The following SLC39A11 variants were observed in gnomAD, a reference collection of about 807,000 sequenced individuals.
SLC39A11 encodes solute carrier family 39 member 11.
SLC39A11 carries 33 observed loss-of-function variants against 36.1 expected under a neutral mutation model. That is an observed-to-expected ratio of 0.91 (90% CI 0.69 to 1.22). The LOEUF is 1.22. SLC39A11 is among the 50% of genes most tolerant of loss of function. The pLI, the probability that SLC39A11 is intolerant of heterozygous loss-of-function variation, is 0.00. For synonymous variants in SLC39A11, 166 were observed against 170.3 expected, an observed-to-expected ratio of 0.97 and a Z score of 0.20; for missense variants, 432 against 430.3, an observed-to-expected ratio of 1.00 and a Z score of -0.03.
chr17:73,034,092 T>C (rs572910134), intron 3 of SLC39A11, among the ~76,000 whole-genome samples: 8 of 152,332 alleles, frequency 5.3e-5, no homozygotes, highest in Admixed American at 4.6e-4. Context: ...CCCTCCCTGC[T>C]ACAGCCTAAT....
intron 4 of SLC39A11, among the ~76,000 whole-genome samples, chr17:72,961,557 C>T (rs543015777): frequency 1.3e-5 from 2 of 152,210 alleles, no homozygotes; most frequent in Non-Finnish European, 2.9e-5. Flanking sequence ...ACTATGCAGC[C>T]ATAAAAAAGG....
chr17:72,974,161 C>T (rs1363085591), intron 4 of SLC39A11, among the ~76,000 whole-genome samples: 8 of 152,090 alleles, frequency 5.3e-5, no homozygotes, highest in Admixed American at 1.3e-4. Context: ...AGTGCAGTGG[C>T]GCGATCTGGC....
chr17:72,771,607 G>C (rs1033251649), intron 6 of SLC39A11, among the ~76,000 whole-genome samples: 1 of 152,076 alleles, frequency 6.6e-6, no homozygotes, highest in African/African-American at 2.4e-5. Flanking sequence ...TTACACAGCA[G>C]GGACAAGACA....
chr17:72,656,948 C>A (rs548157853), intron 7 of SLC39A11, among the ~76,000 whole-genome samples: 97 of 151,190 alleles, frequency 6.4e-4, no homozygotes, highest in African/African-American at 2.3e-3. Flanking sequence ...GTTTGACCAG[C>A]CTGGGCAACA....
At chr17:73,029,893 T>C (rs894907711) in intron 4 of SLC39A11, among the ~76,000 whole-genome samples, 2 of 152,164 alleles carry the variant, frequency 1.3e-5, no homozygotes, top group Non-Finnish European at 2.9e-5. Context: ...TGTCACTCAA[T>C]CTTTTAACAA....
intron 6 of SLC39A11, among the ~76,000 whole-genome samples, chr17:72,849,295 T>G (rs892115282): frequency 3.9e-5 from 6 of 152,166 alleles, no homozygotes; most frequent in Non-Finnish European, 8.8e-5. Context: ...CAAATAGCAT[T>G]AAGCAGAACC....
At chr17:72,894,710 G>A (rs1211946795) in intron 5 of SLC39A11, among the ~76,000 whole-genome samples, 1 of 151,684 alleles carries the variant, frequency 6.6e-6, no homozygotes, top group African/African-American at 2.4e-5. Flanking sequence ...CCTAGAAGGA[G>A]CCAGTACCTC....
chr17:72,981,690 A>AAGTC (rs1253193565), intron 4 of SLC39A11, among the ~76,000 whole-genome samples: 1 of 152,134 alleles, frequency 6.6e-6, no homozygotes. Context: ...GAATCAAAAA[A>AAGTC]GACTAAGTTC....
chr17:72,874,208 G>A (rs914713385), intron 5 of SLC39A11, among the ~76,000 whole-genome samples: 2 of 152,168 alleles, frequency 1.3e-5, no homozygotes, highest in African/African-American at 4.8e-5. Flanking sequence ...AGTATAATAG[G>A]AGACAAGGTA....
At chr17:72,704,124 T>G (rs1044931875) in intron 7 of SLC39A11, among the ~76,000 whole-genome samples, 1 of 152,068 alleles carries the variant, frequency 6.6e-6, no homozygotes, top group Non-Finnish European at 1.5e-5. Flanking sequence ...TGAGACTCTT[T>G]CCAAAACAAC....
chr17:72,897,052 C>CA (rs10656675), intron 5 of SLC39A11, among the ~76,000 whole-genome samples: 1,099 of 64,040 alleles, frequency 0.017, 45 homozygotes, highest in Middle Eastern at 0.057. Flanking sequence ...GACTCTGTCT[C>CA]AAAAAAAAAA....
intron 5 of SLC39A11, among the ~76,000 whole-genome samples, chr17:72,883,587 T>C (rs1043208890): frequency 1.1e-4 from 16 of 152,274 alleles, no homozygotes; most frequent in Admixed American, 6.5e-4. Context: ...GGATTGTGTC[T>C]GATTCAGGGT....
chr17:72,926,792 TC>T (rs771702480), intron 5 of SLC39A11, among the ~76,000 whole-genome samples: 21 of 152,208 alleles, frequency 1.4e-4, no homozygotes, highest in Non-Finnish European at 2.8e-4. Context: ...CCCGAGCACC[TC>T]AGAATGGAGC....
At chr17:72,949,135 A>G (rs1222822272) in intron 4 of SLC39A11, among the ~76,000 whole-genome samples, 1 of 84,220 alleles carries the variant, frequency 1.2e-5, no homozygotes, top group Non-Finnish European at 2.6e-5. Flanking sequence ...AATACCATAC[A>G]CTGGGCAGCT....
At position 73,085,339 on chromosome 17, in the gene SLC39A11, T is replaced by C. The variant is rs146776201; in HGVS notation, c.109-493A>G. 9.7e-3 allele frequency among the ~76,000 whole-genome samples: 1,268 copies of C among 131,096 alleles called. 19 individuals carry two copies. The highest frequency in any genetic ancestry group is 0.033 in the African/African-American group (1,126 of 34,328). The allele number at this position is 131,096 out of a possible 152,430, so 86.0% of individuals were successfully genotyped here. On this transcript the variant is annotated intron_variant, in intron 2 of 9. Transcript: ENST00000255559. ...CTAGCCAACATGATGAAACCCCATC[T>C]CTACTAAAAATACAAAAAAAAATAG...
intron 6 of SLC39A11, among the ~76,000 whole-genome samples, chr17:72,837,445 G>A (rs954017628): frequency 6.8e-6 from 1 of 148,080 alleles, no homozygotes; most frequent in African/African-American, 2.5e-5. Flanking sequence ...ATCCCTTTGT[G>A]TCAAAGGACT....
chr17:72,936,629 C>A (rs948529206), intron 5 of SLC39A11, among the ~76,000 whole-genome samples: 7 of 152,008 alleles, frequency 4.6e-5, no homozygotes, highest in African/African-American at 1.7e-4. Context: ...AGACATGGAA[C>A]TAAGTAAGAA....
chr17:72,887,352 TCC>T (rs769522351), intron 5 of SLC39A11, among the ~76,000 whole-genome samples: 168 of 152,232 alleles, frequency 1.1e-3, no homozygotes, highest in African/African-American at 2.7e-3. Context: ...GCATCGAAAC[TCC>T]GTTTTCAAGC....
chr17:73,066,872 G>T (rs534186077), intron 3 of SLC39A11, among the ~76,000 whole-genome samples: 3 of 152,210 alleles, frequency 2.0e-5, no homozygotes, highest in Non-Finnish European at 4.4e-5. Flanking sequence ...CTTTATGCCA[G>T]ATTGAGTTAG....
Sources: gnomAD v4.1 joint callset for allele counts (sites outside exome capture counted in the v4.1 genomes callset) on GRCh38, gnomAD v4.1.1 for gene constraint, MANE v1.5 for transcripts, NCBI Gene and HGNC (gene_info 2026-07-23, HGNC 2026-07-21) for gene names.